The following GPC6 variants were observed in gnomAD, a reference collection of about 807,000 sequenced individuals.
The protein encoded by GPC6 is glypican 6.
GPC6 carries 14 observed loss-of-function variants against 55.2 expected under a neutral mutation model. The ratio of observed to expected loss-of-function variants is 0.25; its 90% CI spans 0.17 to 0.40. GPC6 has a LOEUF of 0.40. GPC6 is among the 10% of genes least tolerant of loss of function. GPC6 has a pLI of 1.00. For synonymous variants in GPC6, 278 were observed against 259.6 expected, an observed-to-expected ratio of 1.07 and a Z score of -0.68; for missense variants, 641 against 708.5, an observed-to-expected ratio of 0.90 and a Z score of 1.08.
chr13:93,678,203 C>CT (rs1393746528), intron 2 of GPC6, among the ~76,000 whole-genome samples: 4 of 152,182 alleles, frequency 2.6e-5, no homozygotes, highest in African/African-American at 7.2e-5. Flanking sequence ...CCTTTCACAA[C>CT]TTTTTTCTAA....
At chr13:93,501,237 A>C (rs1258299465) in intron 1 of GPC6, among the ~76,000 whole-genome samples, 1 of 152,070 alleles carries the variant, frequency 6.6e-6, no homozygotes, top group Non-Finnish European at 1.5e-5. Context: ...AAAATGCTTA[A>C]ATCTCACACT....
chr13:93,997,821 A>G (rs1881626452), intron 3 of GPC6, among the ~76,000 whole-genome samples: 2 of 152,176 alleles, frequency 1.3e-5, no homozygotes, highest in East Asian at 3.9e-4. Flanking sequence ...AAATGAGGAG[A>G]CTGCAAGGGT....
intron 4 of GPC6, among the ~76,000 whole-genome samples, chr13:94,196,587 A>G (rs1027881256): frequency 1.3e-5 from 2 of 152,238 alleles, no homozygotes; most frequent in Non-Finnish European, 2.9e-5. Context: ...TTAAGGCTAC[A>G]GTAAACCTGT....
chr13:93,330,162 G>A (rs1201578738), intron 1 of GPC6, among the ~76,000 whole-genome samples: 2 of 152,182 alleles, frequency 1.3e-5, no homozygotes, highest in Non-Finnish European at 2.9e-5. Flanking sequence ...TTCCTTGGAT[G>A]TTCTGTATCT....
At chr13:93,792,006 C>T (rs1328378108) in intron 2 of GPC6, among the ~76,000 whole-genome samples, 1 of 152,102 alleles carries the variant, frequency 6.6e-6, no homozygotes, top group Non-Finnish European at 1.5e-5. Context: ...TAAAGAATGA[C>T]CTATTAAGTT....
intron 3 of GPC6, among the ~76,000 whole-genome samples, chr13:93,853,809 T>G (rs1290062837): frequency 6.6e-6 from 1 of 151,738 alleles, no homozygotes. Context: ...AATTTTATTT[T>G]TAATATTTGT....
Position 94,286,329 on chromosome 13 carries a change from A to C in GPC6, c.878-20A>C. ...GGAGCTCCCAGTTTGCAAATAAATC[A>C]TGTTCCTGTATTTTAACAGATGCAA... is the stretch of plus-strand genomic sequence containing the variant. On this transcript the variant is annotated intron_variant, in intron 4 of 8. Transcript: ENST00000377047. 2 of 1,613,396 alleles carry C rather than the reference A, an allele frequency of 1.2e-6. No homozygotes were observed. The highest frequency in any genetic ancestry group is 1.7e-6 in the Non-Finnish European group (2 of 1,179,550).
At chr13:94,177,406 A>T in intron 4 of GPC6, among the ~76,000 whole-genome samples, 1 of 152,160 alleles carries the variant, frequency 6.6e-6, no homozygotes. Flanking sequence ...ATGATACGTT[A>T]ATTATATAAA....
chr13:94,303,649 C>A (rs1356562382), intron 5 of GPC6, among the ~76,000 whole-genome samples: 1 of 151,648 alleles, frequency 6.6e-6, no homozygotes, highest in Non-Finnish European at 1.5e-5. Context: ...CAGTTTTGGT[C>A]ACAGACCCAG....
At chr13:93,635,602 T>A (rs1879658115) in intron 2 of GPC6, among the ~76,000 whole-genome samples, 1 of 152,174 alleles carries the variant, frequency 6.6e-6, no homozygotes, top group African/African-American at 2.4e-5. Flanking sequence ...CGCCTTCTGT[T>A]CATTAAAGGC....
At chr13:93,972,624 T>A (rs1224192839) in intron 3 of GPC6, among the ~76,000 whole-genome samples, 3 of 152,166 alleles carry the variant, frequency 2.0e-5, no homozygotes, top group African/African-American at 7.2e-5. Flanking sequence ...TCTTCTACTT[T>A]TTGAAGCTAC....
chr13:93,635,607 A>G (rs1879658208), intron 2 of GPC6, among the ~76,000 whole-genome samples: 1 of 152,196 alleles, frequency 6.6e-6, no homozygotes, highest in Non-Finnish European at 1.5e-5. Flanking sequence ...TCTGTTCATT[A>G]AAGGCATACT....
chr13:94,317,421 G>A (rs960143750), intron 6 of GPC6, among the ~76,000 whole-genome samples: 5 of 152,112 alleles, frequency 3.3e-5, no homozygotes, highest in African/African-American at 4.8e-5. Flanking sequence ...AACACAAAGC[G>A]TCCAGAAGAG....
chr13:93,293,712 C>T (rs1878390094), intron 1 of GPC6, among the ~76,000 whole-genome samples: 1 of 151,966 alleles, frequency 6.6e-6, no homozygotes, highest in Non-Finnish European at 1.5e-5. Flanking sequence ...TTGTTTTTGC[C>T]CATTTTTTAA....
At chr13:93,357,981 T>C (rs1432102730) in intron 1 of GPC6, among the ~76,000 whole-genome samples, 1 of 152,192 alleles carries the variant, frequency 6.6e-6, no homozygotes, top group Non-Finnish European at 1.5e-5. Flanking sequence ...TGTTCATGGA[T>C]GCCTCATGGG....
At position 94,034,203 on chromosome 13, in the gene GPC6, AGG is replaced by A. The variant is rs1491200248; in HGVS notation, c.877+6310_877+6311del. On this transcript the variant is annotated intron_variant, in intron 4 of 8. Transcript: ENST00000377047. Reference sequence around the variant, plus strand: ...ACTTGCTGAGAGAAAGAAAGAAAGAAGGAAGGAAGGAAGGAAGGAAGGAAGGA... The same window carrying A: ...ACTTGCTGAGAGAAAGAAAGAAAGAAAAGGAAGGAAGGAAGGAAGGAAGGA... Among the ~76,000 whole-genome samples the A allele has an allele frequency of 3.5e-3, 379 of 109,604 alleles. 2 individuals carry two copies. Among genetic ancestry groups the A allele is most frequent in the East Asian group, 0.029 (97 of 3,298 alleles). 71.9% of individuals were successfully genotyped at this position (109,604 alleles called of 152,430 possible).
At chr13:93,280,985 A>G (rs1002611554) in intron 1 of GPC6, among the ~76,000 whole-genome samples, 1 of 152,144 alleles carries the variant, frequency 6.6e-6, no homozygotes, top group African/African-American at 2.4e-5. Flanking sequence ...AGTTCCTAAT[A>G]GGCAACGGAC....
At chr13:93,407,958 CT>C (rs1876354532) in intron 1 of GPC6, among the ~76,000 whole-genome samples, 1 of 152,144 alleles carries the variant, frequency 6.6e-6, no homozygotes, top group Non-Finnish European at 1.5e-5. Flanking sequence ...TCAGATAATG[CT>C]CACTATTTCT....
intron 2 of GPC6, among the ~76,000 whole-genome samples, chr13:93,764,090 CT>C (rs1368213048): frequency 1.3e-5 from 2 of 152,112 alleles, no homozygotes; most frequent in African/African-American, 4.8e-5. Flanking sequence ...AACTATCCCA[CT>C]TTCTTAGAGA....
Sources: gnomAD v4.1 joint callset for allele counts (sites outside exome capture counted in the v4.1 genomes callset) on GRCh38, gnomAD v4.1.1 for gene constraint, MANE v1.5 for transcripts, NCBI Gene and HGNC (gene_info 2026-07-23, HGNC 2026-07-21) for gene names.